USP44: variants seen among roughly 807,000 people sequenced by gnomAD.
USP44 encodes ubiquitin carboxyl-terminal hydrolase 44.
In USP44, 61 loss-of-function variants were observed where a neutral mutation model predicts 69.0. The ratio of observed to expected loss-of-function variants is 0.88; its 90% CI spans 0.72 to 1.09. The LOEUF is 1.09. Ranked by LOEUF, USP44 falls within the 50% of genes least tolerant of loss-of-function variation. The probability of loss-of-function intolerance (pLI) is 0.00; values close to 1 mark genes in which losing one functional copy is unlikely to be tolerated. For synonymous variants in USP44, 297 were observed against 295.4 expected (o/e 1.01, Z -0.06); for missense variants, 753 against 849.9 (o/e 0.89, Z 1.42).
Position 95,541,544 on chromosome 12 carries a change from T to C in USP44, c.-70-7218A>G, listed in dbSNP as rs761946339. Among the ~76,000 whole-genome samples, 8 of 152,082 alleles carry C rather than the reference T, an allele frequency of 5.3e-5. 1 individual carries two copies. The highest frequency in any genetic ancestry group is 7.4e-5 in the Non-Finnish European group (5 of 68,026). ...GCAGCGAGCCATGATGGTGCCACTGTACTGCAGCCTCAGCAAAAGAGCAAG... is the reference window on the plus strand; with the variant it reads ...GCAGCGAGCCATGATGGTGCCACTGCACTGCAGCCTCAGCAAAAGAGCAAG... On this transcript the variant is annotated intron_variant, in intron 1 of 5. Coordinates refer to ENST00000258499, the MANE Select transcript of USP44 (RefSeq NM_032147.5).
At chr12:95,534,903 A>C (rs2077151406) in intron 1 of USP44, among the ~76,000 whole-genome samples, 1 of 151,340 alleles carries the variant, frequency 6.6e-6, no homozygotes, top group African/African-American at 2.4e-5. Flanking sequence ...CTGGTCTTGA[A>C]CTCCTGAGCT....
Position 95,533,223 on chromosome 12 carries a change from A to G in USP44, c.1034T>C (p.Val345Ala). 6.2e-7 allele frequency: 1 copy of G among 1,614,172 alleles called. No individual in the cohort carries two copies. Residue 345 changes from valine to alanine, a missense_variant, in exon 2 of 6, where the codon GTT becomes GCT. Physicochemically the swap from Val to Ala is moderately conservative, Grantham distance 64 (BLOSUM62 0). Transcript: ENST00000258499. ...TGACAGACTTGATTGTCTGGAGCAA[A>G]CAAAACCTGTATCTTTTTCCTGACA... ...NECQEKDTGFVCSRQSSLSSG... is the reference protein window; with the variant it reads ...NECQEKDTGFACSRQSSLSSG...
At position 95,517,332 on chromosome 12, in the gene USP44, T is replaced by A. The variant is rs1368934457; in HGVS notation, c.*822A>T. On this transcript the variant is annotated 3_prime_UTR_variant, in exon 6 of 6. Transcript: ENST00000258499. ...ACATAAAGTTTTAAGAGATCTAATG[T>A]CATCAGACATTATAAAATGAACTCA... The A allele has an allele frequency of 1.3e-5, 2 of 152,178 alleles. No homozygotes were observed. The highest frequency in any genetic ancestry group is 2.9e-5 in the Non-Finnish European group (2 of 68,024). 9.4% of individuals were successfully genotyped at this position (152,178 alleles called of 1,614,324 possible).
chr12:95,527,251 T>C (rs925627104), intron 3 of USP44, among the ~76,000 whole-genome samples: 4 of 150,862 alleles, frequency 2.7e-5, no homozygotes, highest in South Asian at 2.1e-4. Flanking sequence ...CACGCCACCA[T>C]GCCCAGCTAA....
At chr12:95,530,818 A>G (rs1233553097) in intron 2 of USP44, among the ~76,000 whole-genome samples, 2 of 152,178 alleles carry the variant, frequency 1.3e-5, no homozygotes, top group African/African-American at 4.8e-5. Context: ...CATTATAATA[A>G]TGAAAAAAAT....
At chr12:95,518,964 T>C (rs926093236) in intron 5 of USP44, among the ~76,000 whole-genome samples, 5 of 152,112 alleles carry the variant, frequency 3.3e-5, no homozygotes, top group African/African-American at 9.7e-5. Flanking sequence ...CCAAAACTTT[T>C]TGTGCCAACA....
intron 1 of USP44, among the ~76,000 whole-genome samples, chr12:95,537,508 G>A (rs530032248): frequency 1.4e-4 from 22 of 152,026 alleles, no homozygotes; most frequent in East Asian, 1.2e-3. Flanking sequence ...TAGTAGAGAC[G>A]GGGTTTCACC....
intron 3 of USP44, among the ~76,000 whole-genome samples, chr12:95,526,558 C>G (rs1338121399): frequency 6.6e-6 from 1 of 151,936 alleles, no homozygotes; most frequent in African/African-American, 2.4e-5. Flanking sequence ...GGTGACAGAG[C>G]GAGATTCTGT....
rs541668363 is a variant in USP44, at chr12:95,528,737, A to T, written c.1624+70T>A. 1.3e-5 allele frequency: 19 copies of T among 1,450,768 alleles called. No individual in the cohort carries two copies. In the South Asian group the frequency reaches 2.5e-4, roughly 19 times the overall value. 89.9% of individuals were successfully genotyped at this position (1,450,768 alleles called of 1,614,324 possible). A position where few individuals can be genotyped will look rare whatever the true frequency, so the allele number is the denominator to read the frequency against. On this transcript the variant is annotated intron_variant, in intron 3 of 5. Transcript: ENST00000258499. The stretch of plus-strand genomic sequence containing the variant: ...TTCATAACTGCTAAAGATTTCTTTC[A>T]GCTTCCTCTCATCTGCGTTTCTCTT...
chr12:95,526,406 A>C (rs2076835767), intron 3 of USP44, among the ~76,000 whole-genome samples: 1 of 152,160 alleles, frequency 6.6e-6, no homozygotes. Context: ...CCCTGTCTCT[A>C]CTAAAAATAC....
At chr12:95,532,146 C>T (rs538644853) in intron 2 of USP44, among the ~76,000 whole-genome samples, 2 of 150,846 alleles carry the variant, frequency 1.3e-5, no homozygotes, top group Admixed American at 1.3e-4. Context: ...CAAGTGTGCA[C>T]CATTTTCTTT....
In USP44 at chr12:95,516,610, T is replaced by C. The variant is rs1473223329; in HGVS notation, c.*1544A>G. 1 of 152,160 alleles carries C rather than the reference T, an allele frequency of 6.6e-6. No homozygotes were observed. Among genetic ancestry groups the C allele is most frequent in the Non-Finnish European group, 1.5e-5 (1 of 68,020 alleles). The allele number at this position is 152,160 out of a possible 1,614,324, so 9.4% of individuals were successfully genotyped here. On this transcript the variant is annotated 3_prime_UTR_variant, in exon 6 of 6. Transcript: ENST00000258499. ...TGAGGTATTAAGAAGTGTGTAACAG[T>C]TGAGGTAACAACTTGCATAGGTATT...
intron 1 of USP44, among the ~76,000 whole-genome samples, chr12:95,536,993 A>G (rs1407765766): frequency 6.6e-6 from 1 of 152,290 alleles, no homozygotes; most frequent in East Asian, 1.9e-4. Context: ...GCCACTGAAG[A>G]AATCTGTAGA....
chr12:95,531,791 A>G (rs1299709516), intron 2 of USP44, among the ~76,000 whole-genome samples: 1 of 152,220 alleles, frequency 6.6e-6, no homozygotes, highest in East Asian at 1.9e-4. Context: ...AGGGGGAAGG[A>G]AATGACCTAA....
intron 3 of USP44, among the ~76,000 whole-genome samples, chr12:95,525,460 C>G (rs1299662463): frequency 6.6e-6 from 1 of 152,022 alleles, no homozygotes; most frequent in Non-Finnish European, 1.5e-5. Flanking sequence ...TTCCCAAACT[C>G]TTAATTTAAA....
intron 3 of USP44, among the ~76,000 whole-genome samples, chr12:95,525,736 C>G (rs906277357): frequency 2.0e-5 from 3 of 152,190 alleles, no homozygotes; most frequent in African/African-American, 7.2e-5. Context: ...TTCTTGTTGT[C>G]CCTTCTGCTT....
Position 95,533,178 on chromosome 12 carries a change from G to C in USP44, c.1079C>G (p.Ala360Gly). The C allele has an allele frequency of 6.2e-7, 1 of 1,614,122 alleles. No individual in the cohort carries two copies. The change falls in exon 2 of 6, where the codon GCA (alanine) becomes GGA (glycine). Residue 360 changes from alanine (A) to glycine (G), a missense_variant. Ala to Gly is a moderately conservative substitution (Grantham distance 60). Coordinates refer to ENST00000258499, the MANE Select transcript of USP44 (RefSeq NM_032147.5). ...AAGTTCCATCTTTCTACCTTTTGAT[G>C]CTCCACCACTTAGTCCTGATGACAG... ...SSLSSGLSGG[A>G]SKGRKMELIQ...
intron 4 of USP44, 102 bp downstream of exon 4, chr12:95,524,578 G>A: frequency 3.8e-6 from 3 of 787,074 alleles, no homozygotes; most frequent in Non-Finnish European, 5.9e-6. Flanking sequence ...TTGTCAGAAA[G>A]GTGATTAAAG....
chr12:95,534,286 C>A lies in USP44; in HGVS notation c.-30G>T. The A allele has an allele frequency of 1.3e-6, 2 of 1,571,970 alleles. No homozygotes were observed. Among genetic ancestry groups the A allele is most frequent in the Non-Finnish European group, 1.7e-6 (2 of 1,153,886 alleles). Reference sequence around the variant, plus strand: ...TTAGTCTAGCTGAGAAATGCATAATCCAAACAAGTCTCTGTTCACAACACT... The same window carrying A: ...TTAGTCTAGCTGAGAAATGCATAATACAAACAAGTCTCTGTTCACAACACT... On this transcript the variant is annotated 5_prime_UTR_variant, in exon 2 of 6. Coordinates refer to ENST00000258499, the MANE Select transcript of USP44 (RefSeq NM_032147.5).
Sources: allele counts gnomAD v4.1 joint callset (sites outside exome capture counted in the v4.1 genomes callset), GRCh38; gene constraint gnomAD v4.1.1; transcripts MANE v1.5; gene names NCBI Gene and HGNC (gene_info 2026-07-23, HGNC 2026-07-21).